Variants in TOX observed in about 807,000 individuals in gnomAD.
TOX encodes thymocyte selection-associated high mobility group box protein TOX.
In TOX, 11 loss-of-function variants were observed where a neutral mutation model predicts 53.7. That is an observed-to-expected ratio of 0.20 (90% CI 0.13 to 0.34). The LOEUF is 0.34. TOX is among the 10% of genes least tolerant of loss of function. The pLI is 1.00. For synonymous variants in TOX, 225 were observed against 245.3 expected, an observed-to-expected ratio of 0.92 and a Z score of 0.77; for missense variants, 570 against 664.6, an observed-to-expected ratio of 0.86 and a Z score of 1.56.
Position 59,057,175 on chromosome 8 carries a change from T to C in TOX, c.102+61711A>G, listed in dbSNP as rs114697775. ...ACTACATATTAATGAAGACATTAACTAGTAAATTTATATTTAAATAAAAAT... is the reference window on the plus strand; with the variant it reads ...ACTACATATTAATGAAGACATTAACCAGTAAATTTATATTTAAATAAAAAT... On this transcript the variant is annotated intron_variant, in intron 1 of 8. Transcript: ENST00000361421. 6.8e-3 allele frequency among the ~76,000 whole-genome samples: 1,028 copies of C among 152,206 alleles called. 12 individuals are homozygous for C. Among genetic ancestry groups the C allele is most frequent in the African/African-American group, 0.024 (989 of 41,520 alleles).
At chr8:58,880,010 T>C (rs950194880) in intron 3 of TOX, among the ~76,000 whole-genome samples, 1 of 152,214 alleles carries the variant, frequency 6.6e-6, no homozygotes, top group Non-Finnish European at 1.5e-5. Flanking sequence ...AATGGTCATA[T>C]CTATTTTGAA....
chr8:58,901,563 A>C (rs1401956474), intron 3 of TOX, among the ~76,000 whole-genome samples: 1 of 152,058 alleles, frequency 6.6e-6, no homozygotes, highest in Non-Finnish European at 1.5e-5. Context: ...TGCATATTCC[A>C]CTCATATATG....
At chr8:59,098,669 T>C (rs1213335482) in intron 1 of TOX, among the ~76,000 whole-genome samples, 2 of 152,222 alleles carry the variant, frequency 1.3e-5, no homozygotes, top group Non-Finnish European at 2.9e-5. Flanking sequence ...GACAGGAAAC[T>C]GTTTTAATCA....
intron 7 of TOX, among the ~76,000 whole-genome samples, chr8:58,812,998 C>T (rs142640615): frequency 2.0e-3 from 308 of 152,268 alleles, no homozygotes; most frequent in Non-Finnish European, 2.8e-3. Flanking sequence ...GTCTTTGGAG[C>T]GATTTAATCT....
chr8:58,850,936 C>T lies in TOX; in HGVS notation c.693+588G>A, dbSNP rs542557842. Reference sequence around the variant, plus strand: ...GGTGGCTGACATAAAACCCATCTTCCTATTCAGATAACTTAAAAGAATGGC... The same window carrying T: ...GGTGGCTGACATAAAACCCATCTTCTTATTCAGATAACTTAAAAGAATGGC... On this transcript the variant is annotated intron_variant, in intron 4 of 8. Coordinates refer to ENST00000361421, the MANE Select transcript of TOX (RefSeq NM_014729.3). 2.4e-3 allele frequency among the ~76,000 whole-genome samples: 363 copies of T among 152,226 alleles called. 2 individuals are homozygous for T. Among genetic ancestry groups the T allele is most frequent in the Non-Finnish European group, 3.0e-3 (203 of 68,008 alleles).
intron 1 of TOX, among the ~76,000 whole-genome samples, chr8:59,058,754 C>T (rs1032936885): frequency 1.8e-4 from 27 of 152,284 alleles, no homozygotes; most frequent in African/African-American, 5.8e-4. Context: ...GGTGCCTTTC[C>T]CCACCTGCAA....
chr8:58,900,883 G>T (rs951164441), intron 3 of TOX, among the ~76,000 whole-genome samples: 3 of 152,026 alleles, frequency 2.0e-5, no homozygotes, highest in African/African-American at 4.8e-5. Flanking sequence ...TCGTTGAAAT[G>T]AATTTTTACA....
At chr8:58,904,703 A>G (rs1811785120) in intron 3 of TOX, among the ~76,000 whole-genome samples, 1 of 152,184 alleles carries the variant, frequency 6.6e-6, no homozygotes, top group Non-Finnish European at 1.5e-5. Context: ...CTTTTCCCAC[A>G]TGGAATTAGT....
At chr8:58,898,947 C>T (rs1811692659) in intron 3 of TOX, among the ~76,000 whole-genome samples, 1 of 152,140 alleles carries the variant, frequency 6.6e-6, no homozygotes, top group Admixed American at 6.5e-5. Context: ...AATATCATTC[C>T]CTTTAAAGGA....
chr8:59,095,176 C>G (rs1351123975), intron 1 of TOX, among the ~76,000 whole-genome samples: 1 of 151,932 alleles, frequency 6.6e-6, no homozygotes, highest in Non-Finnish European at 1.5e-5. Context: ...ATTGAGGTCA[C>G]TTGTTTTAGG....
chr8:59,056,651 T>A (rs1437833959), intron 1 of TOX, among the ~76,000 whole-genome samples: 1 of 152,122 alleles, frequency 6.6e-6, no homozygotes, highest in Non-Finnish European at 1.5e-5. Context: ...GTCTGTGTCA[T>A]TCGTTATATA....
intron 4 of TOX, among the ~76,000 whole-genome samples, chr8:58,849,064 G>T (rs1810765220): frequency 6.6e-6 from 1 of 152,046 alleles, no homozygotes; most frequent in African/African-American, 2.4e-5. Context: ...AAAAAATCCA[G>T]TTTAATCCTT....
chr8:58,906,710 T>C (rs902227463), intron 3 of TOX, among the ~76,000 whole-genome samples: 1 of 152,214 alleles, frequency 6.6e-6, no homozygotes, highest in African/African-American at 2.4e-5. Context: ...TTATAAACGC[T>C]ACATTTTTTT....
chr8:58,987,285 T>C (rs1226229948), intron 1 of TOX, among the ~76,000 whole-genome samples: 1 of 152,172 alleles, frequency 6.6e-6, no homozygotes, highest in East Asian at 1.9e-4. Context: ...TGTCACACAC[T>C]GGCCTTCCCC....
At chr8:59,083,130 G>C (rs1804440367) in intron 1 of TOX, among the ~76,000 whole-genome samples, 1 of 152,140 alleles carries the variant, frequency 6.6e-6, no homozygotes, top group Admixed American at 6.6e-5. Context: ...ATCCCAAGAA[G>C]AGTTGTCTTA....
chr8:59,013,698 C>T (rs145399830), intron 1 of TOX, among the ~76,000 whole-genome samples: 20 of 152,290 alleles, frequency 1.3e-4, no homozygotes, highest in African/African-American at 3.6e-4. Flanking sequence ...CGTGAGCCAG[C>T]GCACCTGGCC....
Position 58,823,103 on chromosome 8 carries a change from A to G in TOX, c.1005+3719T>C, listed in dbSNP as rs577169507. On this transcript the variant is annotated intron_variant, in intron 6 of 8. Transcript: ENST00000361421. Reference sequence around the variant, plus strand: ...GGCCAGGATTTCCATTGGAAGTTACAAAAGCGAGAATATTTGTTTCCTAGG... The same window carrying G: ...GGCCAGGATTTCCATTGGAAGTTACGAAAGCGAGAATATTTGTTTCCTAGG... Among the ~76,000 whole-genome samples, 4 of 152,364 alleles carry G rather than the reference A, an allele frequency of 2.6e-5. No individual in the cohort carries two copies. In the East Asian group the frequency reaches 7.7e-4, roughly 29 times the overall value.
At chr8:59,082,768 G>A (rs933262990) in intron 1 of TOX, among the ~76,000 whole-genome samples, 2 of 152,100 alleles carry the variant, frequency 1.3e-5, no homozygotes, top group Non-Finnish European at 2.9e-5. Context: ...TGATAAAATG[G>A]CTTTTAAGTT....
intron 1 of TOX, among the ~76,000 whole-genome samples, chr8:58,994,406 G>A (rs1254497023): frequency 2.0e-5 from 3 of 149,952 alleles, no homozygotes; most frequent in Admixed American, 1.3e-4. Context: ...GTGTGTGTGT[G>A]TGTGTGTGTG....
Sources: allele counts gnomAD v4.1 joint callset (sites outside exome capture counted in the v4.1 genomes callset), GRCh38; gene constraint gnomAD v4.1.1; transcripts MANE v1.5; gene names NCBI Gene and HGNC (gene_info 2026-07-23, HGNC 2026-07-21).